The following SOX5 variants were observed in gnomAD, a reference collection of about 807,000 sequenced individuals.
SOX5 encodes the protein SRY-box transcription factor 5, also known as transcription factor SOX-5.
Under a neutral mutation model 92.0 loss-of-function variants are expected in SOX5, and 9 were observed. The observed-to-expected ratio is 0.10, with a 90% CI of 0.06 to 0.17. The LOEUF is 0.17. Among genes scored for constraint, SOX5 ranks in the 10% least tolerant of loss-of-function variants. The pLI is 1.00. For synonymous variants in SOX5, 344 were observed against 336.3 expected (o/e 1.02, Z -0.25); for missense variants, 642 against 944.5 (o/e 0.68, Z 4.20).
intron 3 of SOX5, chr12:24,237,768 A>G (rs1377399410): frequency 6.6e-6 from 1 of 152,226 alleles, no homozygotes; most frequent in Non-Finnish European, 1.5e-5. Context: ...TATATAGCCT[A>G]TGGAAGTAAT....
At chr12:24,093,791 T>C (rs1593091331) in intron 4 of SOX5, among the ~76,000 whole-genome samples, 1 of 151,990 alleles carries the variant, frequency 6.6e-6, no homozygotes, top group African/African-American at 2.4e-5. Context: ...ATTTAACTTC[T>C]AGATATTGCC....
chr12:23,993,911 G>GCA (rs1208840416), intron 4 of SOX5, among the ~76,000 whole-genome samples: 34 of 151,618 alleles, frequency 2.2e-4, no homozygotes, highest in African/African-American at 7.0e-4. Context: ...ATGTATGTAT[G>GCA]TATGCATGTA....
At chr12:23,548,659 G>T (rs1478689166) in intron 11 of SOX5, among the ~76,000 whole-genome samples, 1 of 151,866 alleles carries the variant, frequency 6.6e-6, no homozygotes, top group African/African-American at 2.4e-5. Context: ...TTTAAAAAAA[G>T]TGTGGACAAT....
At chr12:24,399,910 C>T (rs987542263) in intron 1 of SOX5, among the ~76,000 whole-genome samples, 39 of 152,144 alleles carry the variant, frequency 2.6e-4, no homozygotes, top group African/African-American at 8.9e-4. Context: ...AATACCAAAT[C>T]AAAATATCCT....
At chr12:24,135,398 CCTTACT>C (rs1271425265) in intron 4 of SOX5, among the ~76,000 whole-genome samples, 2 of 152,162 alleles carry the variant, frequency 1.3e-5, no homozygotes, top group Admixed American at 6.5e-5. Flanking sequence ...GAATTCCCTC[CCTTACT>C]AAGTCAATAA....
intron 7 of SOX5, among the ~76,000 whole-genome samples, chr12:23,660,241 A>G (rs1331274069): frequency 1.3e-5 from 2 of 152,202 alleles, no homozygotes; most frequent in African/African-American, 4.8e-5. Context: ...CTCGTACTAC[A>G]TTATCTCAGT....
At chr12:24,159,946 G>A (rs1952581938) in intron 4 of SOX5, among the ~76,000 whole-genome samples, 2 of 151,844 alleles carry the variant, frequency 1.3e-5, no homozygotes, top group Admixed American at 6.6e-5. Context: ...GTGCCTTTAG[G>A]CAAAGCTTCT....
At chr12:23,557,032 C>T (rs1945296949) in intron 11 of SOX5, among the ~76,000 whole-genome samples, 1 of 152,168 alleles carries the variant, frequency 6.6e-6, no homozygotes, top group Non-Finnish European at 1.5e-5. Flanking sequence ...TATTATTAAA[C>T]ATCCACATTA....
chr12:23,999,072 C>G (rs1951327752), intron 4 of SOX5, among the ~76,000 whole-genome samples: 1 of 150,526 alleles, frequency 6.6e-6, no homozygotes. Context: ...GAATCCTCAT[C>G]AGAAATAAAA....
At chr12:23,658,571 A>C (rs1451636466) in intron 7 of SOX5, among the ~76,000 whole-genome samples, 1 of 152,174 alleles carries the variant, frequency 6.6e-6, no homozygotes, top group Non-Finnish European at 1.5e-5. Flanking sequence ...AGAGGGGAAG[A>C]GCTGGTCACA....
intron 4 of SOX5, among the ~76,000 whole-genome samples, chr12:23,753,456 T>A (rs901835100): frequency 7.2e-5 from 11 of 151,742 alleles, no homozygotes; most frequent in Admixed American, 6.6e-5. Context: ...ACACCAAGAC[T>A]CTGTGAATAC....
intron 6 of SOX5, among the ~76,000 whole-genome samples, chr12:23,712,250 G>A (rs2092123227): frequency 6.6e-6 from 1 of 152,166 alleles, no homozygotes; most frequent in South Asian, 2.1e-4. Flanking sequence ...CTACCCAAGA[G>A]GGATACGTAA....
intron 7 of SOX5, among the ~76,000 whole-genome samples, chr12:23,655,610 T>C (rs1204041734): frequency 6.6e-6 from 1 of 152,166 alleles, no homozygotes; most frequent in Non-Finnish European, 1.5e-5. Context: ...CCATTGCACC[T>C]TTCTCTCTTA....
chr12:24,244,246 C>A (rs11047328), intron 3 of SOX5, among the ~76,000 whole-genome samples: 4 of 152,092 alleles, frequency 2.6e-5, no homozygotes, highest in African/African-American at 7.2e-5. Context: ...CACGGGCGAT[C>A]GGCTACACCT....
Position 23,755,633 on chromosome 12 carries a change from A to G in SOX5, c.568+5T>C. On this transcript the variant is annotated splice_donor_5th_base_variant and intron_variant, in intron 4 of 14. Transcript: ENST00000451604. ...TTTTGGATAAAAACAATCACACCATATTACCTTTTATTTCGCCAAAGTTCC... is the reference window on the plus strand; with the variant it reads ...TTTTGGATAAAAACAATCACACCATGTTACCTTTTATTTCGCCAAAGTTCC... The G allele has an allele frequency of 6.3e-7, 1 of 1,578,188 alleles. No individual in the cohort carries two copies. Among genetic ancestry groups the G allele is most frequent in the African/African-American group, 1.4e-5 (1 of 73,068 alleles).
At chr12:24,219,069 A>G (rs1959763999) in intron 3 of SOX5, among the ~76,000 whole-genome samples, 1 of 152,106 alleles carries the variant, frequency 6.6e-6, no homozygotes, top group Non-Finnish European at 1.5e-5. Context: ...TGAATTATCA[A>G]TTTGAGAGTG....
At chr12:24,185,679 C>T (rs912155447) in intron 4 of SOX5, among the ~76,000 whole-genome samples, 2 of 152,124 alleles carry the variant, frequency 1.3e-5, no homozygotes, top group Non-Finnish European at 2.9e-5. Context: ...CCATAATTTC[C>T]TCAGCCCTAA....
chr12:24,219,436 T>C (rs553442894), intron 3 of SOX5, among the ~76,000 whole-genome samples: 1 of 152,216 alleles, frequency 6.6e-6, no homozygotes, highest in South Asian at 2.1e-4. Context: ...CATATACAAC[T>C]ATTTTGTCTC....
chr12:23,651,168 T>G (rs1384290368), intron 7 of SOX5, among the ~76,000 whole-genome samples: 1 of 152,070 alleles, frequency 6.6e-6, no homozygotes, highest in Non-Finnish European at 1.5e-5. Context: ...GGGAAGCTAT[T>G]ATTTGTTGAC....
Sources: gnomAD v4.1 joint callset for allele counts (sites outside exome capture counted in the v4.1 genomes callset) on GRCh38, gnomAD v4.1.1 for gene constraint, MANE v1.5 for transcripts, NCBI Gene and HGNC (gene_info 2026-07-23, HGNC 2026-07-21) for gene names.